Variants in AFF1 observed in about 807,000 individuals in gnomAD.
AFF1 encodes the protein AF4/FMR2 family member 1.
AFF1 carries 48 observed loss-of-function variants against 121.7 expected under a neutral mutation model. The observed-to-expected ratio is 0.39, with a 90% CI of 0.31 to 0.50. The LOEUF (loss-of-function observed/expected upper bound fraction) is 0.50. Ranked by LOEUF, AFF1 falls within the 20% of genes least tolerant of loss-of-function variation. The probability of loss-of-function intolerance (pLI) is 0.76; values close to 1 mark genes in which losing one functional copy is unlikely to be tolerated. For synonymous variants in AFF1, 613 were observed against 563.0 expected, an observed-to-expected ratio of 1.09 and a Z score of -1.26; for missense variants, 1,523 against 1,511.7, an observed-to-expected ratio of 1.01 and a Z score of -0.12.
chr4:87,064,316 A>T (rs566790029), intron 4 of AFF1, among the ~76,000 whole-genome samples: 2 of 152,342 alleles, frequency 1.3e-5, no homozygotes, highest in South Asian at 4.1e-4. Flanking sequence ...CCTGAATCCA[A>T]TATAGAAGAT....
chr4:87,120,378 T>C (rs1560648621), intron 12 of AFF1, among the ~76,000 whole-genome samples: 1 of 152,240 alleles, frequency 6.6e-6, no homozygotes, highest in Non-Finnish European at 1.5e-5. Flanking sequence ...TGCTTCCTTT[T>C]GGAAGAGGAT....
chr4:86,975,330 A>G (rs896120928), intron 2 of AFF1, among the ~76,000 whole-genome samples: 5 of 152,164 alleles, frequency 3.3e-5, no homozygotes, highest in Non-Finnish European at 7.3e-5. Context: ...TACCCACTGC[A>G]GCCTTGACCT....
chr4:87,007,449 T>C (rs752691151), intron 2 of AFF1: 2 of 1,613,922 alleles, frequency 1.2e-6, no homozygotes, highest in East Asian at 2.2e-5. Context: ...GGAGAAACTT[T>C]TCAAACGCGT....
intron 12 of AFF1, among the ~76,000 whole-genome samples, chr4:87,115,511 C>T (rs1176229370): frequency 6.6e-6 from 1 of 151,478 alleles, no homozygotes; most frequent in Non-Finnish European, 1.5e-5. Flanking sequence ...TTATGTCCTT[C>T]CATCGGTCTT....
chr4:87,117,891 C>T (rs1442489518), intron 12 of AFF1, among the ~76,000 whole-genome samples: 1 of 152,214 alleles, frequency 6.6e-6, no homozygotes, highest in Non-Finnish European at 1.5e-5. Flanking sequence ...TTAGGGCTCT[C>T]TGCCTCTGGC....
intron 2 of AFF1, among the ~76,000 whole-genome samples, chr4:87,007,845 G>A (rs1560535324): frequency 1.3e-5 from 2 of 152,166 alleles, no homozygotes; most frequent in Non-Finnish European, 2.9e-5. Flanking sequence ...AGTTCACCTT[G>A]GAGAGGGTGG....
At chr4:86,938,449 CAAAAA>C (rs35867614) in intron 1 of AFF1, among the ~76,000 whole-genome samples, 41 of 100,034 alleles carry the variant, frequency 4.1e-4, no homozygotes, top group African/African-American at 1.2e-3. Context: ...GACTCCGTCT[CAAAAA>C]AAAAAAAAAA....
chr4:86,968,461 G>A lies in AFF1; in HGVS notation c.38+19890G>A, dbSNP rs183951516. 3.9e-5 allele frequency among the ~76,000 whole-genome samples: 6 copies of A among 152,196 alleles called. No individual in the cohort carries two copies. In the East Asian group the frequency reaches 7.7e-4, roughly 20 times the overall value. ...ATAACATTGACGTTCCTTCATAGAC[G>A]TTCGTACAGTTTTCAGTATTCACAA... is the stretch of plus-strand genomic sequence containing the variant. On this transcript the variant is annotated intron_variant, in intron 2 of 20. Coordinates refer to ENST00000395146, the MANE Select transcript of AFF1 (RefSeq NM_001166693.3).
At chr4:87,099,800 A>G (rs1345825049) in intron 8 of AFF1, among the ~76,000 whole-genome samples, 1 of 152,228 alleles carries the variant, frequency 6.6e-6, no homozygotes, top group Non-Finnish European at 1.5e-5. Context: ...TAGGTGGCAT[A>G]TAATACAGAG....
intron 2 of AFF1, among the ~76,000 whole-genome samples, chr4:87,008,354 T>TA (rs1726385255): frequency 6.6e-6 from 1 of 152,232 alleles, no homozygotes; most frequent in Non-Finnish European, 1.5e-5. Context: ...AAATGGATGT[T>TA]AAATGTTCAT....
chr4:87,009,754 C>G (rs1445291397), intron 2 of AFF1, among the ~76,000 whole-genome samples: 2 of 152,178 alleles, frequency 1.3e-5, no homozygotes, highest in Non-Finnish European at 2.9e-5. Context: ...TTCAGGGAAA[C>G]TCTAAAGCTG....
chr4:86,970,221 C>T (rs1266428539), intron 2 of AFF1, among the ~76,000 whole-genome samples: 1 of 152,098 alleles, frequency 6.6e-6, no homozygotes, highest in African/African-American at 2.4e-5. Flanking sequence ...GGCATAGTGG[C>T]TCACACTTGT....
intron 4 of AFF1, among the ~76,000 whole-genome samples, chr4:87,055,431 A>C (rs922816868): frequency 2.0e-5 from 3 of 152,220 alleles, no homozygotes; most frequent in African/African-American, 7.2e-5. Flanking sequence ...GAAATGCCAG[A>C]AGTACATTTG....
At chr4:87,122,172 CA>C (rs1194936117) in intron 12 of AFF1, among the ~76,000 whole-genome samples, 1 of 152,166 alleles carries the variant, frequency 6.6e-6, no homozygotes, top group African/African-American at 2.4e-5. Flanking sequence ...TTTTCAAAGA[CA>C]AAGTTTCTGT....
At chr4:87,062,921 A>T (rs989646480) in intron 4 of AFF1, among the ~76,000 whole-genome samples, 1 of 152,204 alleles carries the variant, frequency 6.6e-6, no homozygotes, top group Non-Finnish European at 1.5e-5. Context: ...GGCATTATAT[A>T]TAGGTAGTGG....
At chr4:86,985,195 ATATATATATATATATATAT>A (rs1724131166) in intron 2 of AFF1, among the ~76,000 whole-genome samples, 1 of 110,920 alleles carries the variant, frequency 9.0e-6, no homozygotes, top group Non-Finnish European at 2.0e-5. Flanking sequence ...ATATATATAT[ATATATATATATATATATAT>A]AAAATTATAT....
intron 2 of AFF1, among the ~76,000 whole-genome samples, chr4:87,035,490 GGCGGAGCTTGCAGTGA>G (rs1268161407): frequency 6.6e-6 from 1 of 152,062 alleles, no homozygotes; most frequent in East Asian, 1.9e-4. Context: ...GAACCCGGGA[GGCGGAGCTTGCAGTGA>G]GCGGAGATCG....
At chr4:87,026,757 A>G (rs1384179667) in intron 2 of AFF1, among the ~76,000 whole-genome samples, 1 of 152,216 alleles carries the variant, frequency 6.6e-6, no homozygotes, top group East Asian at 1.9e-4. Flanking sequence ...AGATTGGTAC[A>G]TATAAGGTAA....
intron 4 of AFF1, among the ~76,000 whole-genome samples, chr4:87,076,481 T>TA (rs1722685491): frequency 1.3e-5 from 2 of 152,250 alleles, no homozygotes; most frequent in South Asian, 4.1e-4. Context: ...TATTTAAAGA[T>TA]ATCTGGGATT....
Sources: gnomAD v4.1 joint callset for allele counts (sites outside exome capture counted in the v4.1 genomes callset) on GRCh38, gnomAD v4.1.1 for gene constraint, MANE v1.5 for transcripts, NCBI Gene and HGNC (gene_info 2026-07-23, HGNC 2026-07-21) for gene names.